TRIM36: variants seen among roughly 807,000 people sequenced by gnomAD.
The protein encoded by TRIM36 is tripartite motif containing 36, also known as E3 ubiquitin-protein ligase TRIM36.
Under a neutral mutation model 72.4 loss-of-function variants are expected in TRIM36, and 42 were observed. That is an observed-to-expected ratio of 0.58 (90% CI 0.45 to 0.75). The LOEUF (loss-of-function observed/expected upper bound fraction) is 0.75. Ranked by LOEUF, TRIM36 falls within the 30% of genes least tolerant of loss-of-function variation. TRIM36 has a pLI of 0.00. For synonymous variants in TRIM36, 315 were observed against 282.8 expected (o/e 1.11, Z -1.14); for missense variants, 913 against 857.1 (o/e 1.07, Z -0.81).
chr5:115,168,030 G>C (rs1754885183), intron 1 of TRIM36, among the ~76,000 whole-genome samples: 1 of 152,150 alleles, frequency 6.6e-6, no homozygotes, highest in African/African-American at 2.4e-5. Context: ...AAAACCATCA[G>C]ATATTGGGAG....
At chr5:115,152,296 G>T (rs372692845) in intron 2 of TRIM36, among the ~76,000 whole-genome samples, 1 of 152,022 alleles carries the variant, frequency 6.6e-6, no homozygotes, top group African/African-American at 2.4e-5. Flanking sequence ...CAAAGTCTTC[G>T]AACTAACCCA....
chr5:115,138,308 C>G (rs1440311113), intron 5 of TRIM36, among the ~76,000 whole-genome samples: 1 of 152,050 alleles, frequency 6.6e-6, no homozygotes, highest in African/African-American at 2.4e-5. Context: ...GCAGTGTTAG[C>G]TAGGATGGTC....
rs1752334971 is a variant in TRIM36 at position 115,125,764 on chromosome 5, G to C, written c.*739C>G. The C allele has an allele frequency of 6.6e-6, 1 of 152,068 alleles. No individual in the cohort carries two copies. The highest frequency in any genetic ancestry group is 6.6e-5 in the Admixed American group (1 of 15,254). 9.4% of individuals were successfully genotyped at this position (152,068 alleles called of 1,614,324 possible). On this transcript the variant is annotated 3_prime_UTR_variant, in exon 10 of 10. Transcript: ENST00000513154. ...TTCTCTGAAAAAAAGTATATAAAGT[G>C]AGAAGTTTAATGTGTTAGCTGAGAA...
intron 9 of TRIM36, among the ~76,000 whole-genome samples, chr5:115,129,715 G>A (rs920549591): frequency 1.3e-5 from 2 of 152,116 alleles, no homozygotes; most frequent in Admixed American, 1.3e-4. Flanking sequence ...TTTCATCATG[G>A]ATGTATGAAG....
At chr5:115,139,416 T>C (rs1425739854) in intron 5 of TRIM36, among the ~76,000 whole-genome samples, 1 of 152,232 alleles carries the variant, frequency 6.6e-6, no homozygotes, top group Non-Finnish European at 1.5e-5. Flanking sequence ...CCATTAAGCC[T>C]GGCTAAGAAC....
At chr5:115,177,588 C>A in intron 1 of TRIM36, 2 of 1,444,480 alleles carry the variant, frequency 1.4e-6, no homozygotes, top group Non-Finnish European at 1.8e-6. Flanking sequence ...TAATCACACA[C>A]AAAACAGGGG....
At position 115,150,576 on chromosome 5, in the gene TRIM36, G is replaced by C. The variant is rs979474279; in HGVS notation, c.263-3182C>G. On this transcript the variant is annotated intron_variant, in intron 2 of 9. Coordinates refer to ENST00000513154, the MANE Select transcript of TRIM36 (RefSeq NM_001300759.2). Reference sequence around the variant, plus strand: ...GAAGGACTAGATTGCAGCTCTGACAGAGCAGCATGTGGATGCTAGCACTGT... The same window carrying C: ...GAAGGACTAGATTGCAGCTCTGACACAGCAGCATGTGGATGCTAGCACTGT... 2.0e-5 allele frequency among the ~76,000 whole-genome samples: 3 copies of C among 152,330 alleles called. No individual in the cohort carries two copies. In the South Asian group the frequency reaches 6.2e-4, roughly 32 times the overall value.
chr5:115,140,321 A>G (rs1375823554), intron 5 of TRIM36, among the ~76,000 whole-genome samples: 4 of 152,248 alleles, frequency 2.6e-5, no homozygotes, highest in African/African-American at 9.6e-5. Flanking sequence ...ACAAGTGTAC[A>G]ACAAAGTCAG....
chr5:115,155,697 C>T (rs1754141596), intron 2 of TRIM36, among the ~76,000 whole-genome samples: 1 of 152,184 alleles, frequency 6.6e-6, no homozygotes, highest in Admixed American at 6.5e-5. Context: ...GACAAACCCA[C>T]AGCCAACATA....
chr5:115,126,529 A>C lies in TRIM36; in HGVS notation c.2125T>G (p.Tyr709Asp). The stretch of plus-strand genomic sequence containing the variant: ...TACATGTCCTCTTGGTATTCCAGAT[A>C]TTTTGCTGTGATGGGTTCTTCAAGC... ...IQLEEPITAK[Y>D]LEYQEDM Residue 709 changes from tyrosine to aspartate, a missense_variant, in exon 10 of 10, where the codon TAT (tyrosine) becomes GAT (aspartate). Physicochemically the swap from Tyr to Asp is radical, Grantham distance 160. Transcript: ENST00000513154. The C allele has an allele frequency of 6.2e-7, 1 of 1,609,290 alleles. No homozygotes were observed. The highest frequency in any genetic ancestry group is 8.5e-7 in the Non-Finnish European group (1 of 1,176,018).
At chr5:115,133,340 G>A (rs191311246) in intron 8 of TRIM36, among the ~76,000 whole-genome samples, 4 of 152,268 alleles carry the variant, frequency 2.6e-5, no homozygotes, top group East Asian at 1.9e-4. Flanking sequence ...GGCATAAGGA[G>A]CTTTTAGCGT....
upstream of TRIM36, among the ~76,000 whole-genome samples, chr5:115,170,125 C>A (rs1005976263): frequency 6.6e-6 from 1 of 152,212 alleles, no homozygotes; most frequent in Non-Finnish European, 1.5e-5. Context: ...CCGCCACCTT[C>A]CCCCTACGCA....
At position 115,165,521 on chromosome 5, in the gene TRIM36, C is replaced by G. The variant is rs867485426; in HGVS notation, c.28-1769G>C. Among the ~76,000 whole-genome samples, 3 of 152,296 alleles carry G rather than the reference C, an allele frequency of 2.0e-5. No homozygotes were observed. In the South Asian group the frequency reaches 6.2e-4, roughly 32 times the overall value. On this transcript the variant is annotated intron_variant, in intron 1 of 9. Coordinates refer to ENST00000513154, the MANE Select transcript of TRIM36 (RefSeq NM_001300759.2). ...GCAATGGTCTGAACTGTACCTTGGCCCCTTTTAGCCACAACTGGTACTGGA... is the reference window on the plus strand; with the variant it reads ...GCAATGGTCTGAACTGTACCTTGGCGCCTTTTAGCCACAACTGGTACTGGA...
chr5:115,161,195 T>A (rs953993414), intron 2 of TRIM36, among the ~76,000 whole-genome samples: 1 of 148,286 alleles, frequency 6.7e-6, no homozygotes, highest in South Asian at 2.1e-4. Flanking sequence ...TATGTGTCTT[T>A]AAAAAAAAAA....
intron 9 of TRIM36, among the ~76,000 whole-genome samples, chr5:115,129,384 G>C (rs1030628509): frequency 6.6e-6 from 1 of 152,098 alleles, no homozygotes; most frequent in Non-Finnish European, 1.5e-5. Flanking sequence ...CCAACATGGA[G>C]AAACCCCATC....
chr5:115,143,664 C>CA (rs1580663127), intron 4 of TRIM36, among the ~76,000 whole-genome samples: 2 of 151,172 alleles, frequency 1.3e-5, no homozygotes, highest in African/African-American at 2.4e-5. Flanking sequence ...TAGACAGAGG[C>CA]AAAAAAATGC....
intron 7 of TRIM36, among the ~76,000 whole-genome samples, chr5:115,136,152 C>T (rs895791690): frequency 1.3e-5 from 2 of 151,952 alleles, no homozygotes; most frequent in Non-Finnish European, 2.9e-5. Flanking sequence ...TGTTGAAGTC[C>T]TAACCCCCAG....
At chr5:115,158,785 C>T (rs1446953173) in intron 2 of TRIM36, among the ~76,000 whole-genome samples, 1 of 152,204 alleles carries the variant, frequency 6.6e-6, no homozygotes, top group Non-Finnish European at 1.5e-5. Flanking sequence ...CAAACTGCTC[C>T]TATCTTTCCT....
rs58384978 is a variant in TRIM36 at position 115,128,758 on chromosome 5, C to CA, written c.1796+1833dup. On this transcript the variant is annotated intron_variant, in intron 9 of 9. Coordinates refer to ENST00000513154, the MANE Select transcript of TRIM36 (RefSeq NM_001300759.2). ...TGGGCGACAGAGCGAGACTCCGTCT[C>CA]AAAAAAAAAAAAAAAAAAAAAAAAA... Among the ~76,000 whole-genome samples, 88 of 47,008 alleles carry CA rather than the reference C, an allele frequency of 1.9e-3. 9 individuals are homozygous for CA. Among genetic ancestry groups the CA allele is most frequent in the African/African-American group, 5.1e-3 (67 of 13,240 alleles). 30.8% of individuals were successfully genotyped at this position (47,008 alleles called of 152,430 possible). A position where few individuals can be genotyped will look rare whatever the true frequency, so the allele number is the denominator to read the frequency against.
Sources: gnomAD v4.1 joint callset for allele counts (sites outside exome capture counted in the v4.1 genomes callset) on GRCh38, gnomAD v4.1.1 for gene constraint, MANE v1.5 for transcripts, NCBI Gene and HGNC (gene_info 2026-07-23, HGNC 2026-07-21) for gene names.